SYT13: variants seen among roughly 807,000 people sequenced by gnomAD.
SYT13 encodes synaptotagmin 13.
SYT13 carries 21 observed loss-of-function variants against 38.6 expected under a neutral mutation model. That is an observed-to-expected ratio of 0.54 (90% confidence interval 0.39 to 0.78). The LOEUF (loss-of-function observed/expected upper bound fraction) is 0.78, where lower values mean the gene tolerates loss of function less well. SYT13 is among the 30% of genes least tolerant of loss of function. The pLI is 0.00. For synonymous variants in SYT13, 241 were observed against 237.6 expected (o/e 1.01, Z -0.13); for missense variants, 495 against 548.7 (o/e 0.90, Z 0.98).
chr11:45,264,108 G>C (rs1316208995), intron 1 of SYT13, among the ~76,000 whole-genome samples: 25 of 152,150 alleles, frequency 1.6e-4, no homozygotes, highest in African/African-American at 5.8e-4. Flanking sequence ...GATAAATATA[G>C]ACATTGAGTG....
At chr11:45,267,175 G>A (rs1208686980) in intron 1 of SYT13, among the ~76,000 whole-genome samples, 2 of 152,212 alleles carry the variant, frequency 1.3e-5, no homozygotes, top group Non-Finnish European at 2.9e-5. Flanking sequence ...CTAGGGGGCG[G>A]TAGAGGGTGC....
chr11:45,276,285 A>T (rs1855009176), intron 1 of SYT13, among the ~76,000 whole-genome samples: 1 of 152,206 alleles, frequency 6.6e-6, no homozygotes, highest in South Asian at 2.1e-4. Flanking sequence ...CTTTGCAGGG[A>T]TATGGATGAA....
chr11:45,282,309 T>G (rs1855084101), intron 1 of SYT13, among the ~76,000 whole-genome samples: 2 of 152,006 alleles, frequency 1.3e-5, no homozygotes, highest in South Asian at 4.2e-4. Context: ...ACATTAAGAG[T>G]GAGGCACTGT....
intron 1 of SYT13, 161 bp downstream of exon 1, chr11:45,285,864 T>A (rs1233028798): frequency 8.7e-5 from 31 of 355,322 alleles, no homozygotes; most frequent in Non-Finnish European, 1.3e-4. Context: ...TCCCCCTACC[T>A]TTTTGACTCC....
At chr11:45,284,130 C>A (rs765903781) in intron 1 of SYT13, among the ~76,000 whole-genome samples, 9 of 152,138 alleles carry the variant, frequency 5.9e-5, no homozygotes, top group African/African-American at 2.2e-4. Context: ...AAAGAATGAT[C>A]GTAAATCCAG....
Position 45,286,056 on chromosome 11 carries a change from G to C in SYT13, c.152C>G (p.Ala51Gly). The C allele has an allele frequency of 1.2e-6, 2 of 1,609,312 alleles. 1 individual carries two copies. Among genetic ancestry groups the C allele is most frequent in the South Asian group, 2.2e-5 (2 of 90,482 alleles). ...TGCAGACCCGAGCAAGCTGGGCTTCGCCTTCTCCAGGTCGGGGTCCTGGTC... is the reference window on the plus strand; with the variant it reads ...TGCAGACCCGAGCAAGCTGGGCTTCCCCTTCTCCAGGTCGGGGTCCTGGTC... ...PRDQDPDLEK[A>G]KPSLLGSAQQ... The change falls in exon 1 of 6, where the codon GCG becomes GGG. Residue 51 changes from alanine (A) to glycine (G), a missense_variant. By Grantham distance (60) the Ala-to-Gly change is moderately conservative. Coordinates refer to ENST00000020926, the MANE Select transcript of SYT13 (RefSeq NM_020826.3).
At chr11:45,278,964 A>G (rs1170904186) in intron 1 of SYT13, among the ~76,000 whole-genome samples, 2 of 152,246 alleles carry the variant, frequency 1.3e-5, no homozygotes, top group African/African-American at 4.8e-5. Flanking sequence ...GCTGCACCCA[A>G]TGCCTGAAGT....
intron 2 of SYT13, 87 bp downstream of exon 2, chr11:45,255,579 A>G: frequency 7.4e-7 from 1 of 1,344,754 alleles, no homozygotes; most frequent in South Asian, 1.4e-5. Context: ...CGGCCTCCTC[A>G]TCAGGCCACA....
rs749032824 is a variant in SYT13, at chr11:45,244,100, G to A, written c.1233C>T (p.Leu411=). ...GSERSHWEEM[L]KNPRRQIAMW... is the part of the protein sequence containing the mutation. The stretch of plus-strand genomic sequence containing the variant: ...TGGCAATCTGCCGGCGAGGGTTTTT[G>A]AGCATCTCCTCCCAGTGGCTGCGCT... The change falls in exon 6 of 6, where the codon CTC becomes CTT. Residue 411 remains leucine (L), a synonymous_variant. Coordinates refer to ENST00000020926, the MANE Select transcript of SYT13 (RefSeq NM_020826.3). 5 of 1,611,090 alleles carry A rather than the reference G, an allele frequency of 3.1e-6. No individual in the cohort carries two copies. Among genetic ancestry groups the A allele is most frequent in the East Asian group, 4.5e-5 (2 of 44,858 alleles).
intron 1 of SYT13, among the ~76,000 whole-genome samples, chr11:45,262,309 G>T (rs763946201): frequency 9.9e-5 from 15 of 152,226 alleles, no homozygotes; most frequent in Non-Finnish European, 1.8e-4. Flanking sequence ...GATGCCAGAG[G>T]CTGGGGCAGG....
rs772924656 is a variant in SYT13, at chr11:45,255,941, GT to G, written c.184-51del. The G allele has an allele frequency of 3.2e-6, 5 of 1,586,762 alleles. No individual in the cohort carries two copies. In the African/African-American group the frequency reaches 5.4e-5, roughly 17 times the overall value. ...AGTCCACAAAGGAGCCCTCTTGTCT[GT>G]TTCCCCCCATGGAAGGGAGAAACGG... On this transcript the variant is annotated intron_variant, in intron 1 of 5. Transcript: ENST00000020926.
In SYT13 at chr11:45,240,927, A is replaced by G. The variant is rs768900261; in HGVS notation, c.*3125T>C. The G allele has an allele frequency of 6.6e-6, 1 of 152,250 alleles. No homozygotes were observed. Among genetic ancestry groups the G allele is most frequent in the African/African-American group, 2.4e-5 (1 of 41,462 alleles). The allele number at this position is 152,250 out of a possible 1,614,324, so 9.4% of individuals were successfully genotyped here. ...ACACAGGCTCAGTTACTATAATTTG[A>G]TAGTAAATTGGAAATGTTTCTGGTA... On this transcript the variant is annotated 3_prime_UTR_variant, in exon 6 of 6. Transcript: ENST00000020926.
chr11:45,254,223 G>A, intron 3 of SYT13, 47 bp downstream of exon 3: 1 of 1,566,724 alleles, frequency 6.4e-7, no homozygotes, highest in Non-Finnish European at 8.6e-7. Context: ...GCTTCTCCAG[G>A]GGAGATAGAC....
In SYT13 at chr11:45,252,685, G is replaced by A. The variant is rs750981261; in HGVS notation, c.582C>T (p.Tyr194=). 39 of 1,591,852 alleles carry A rather than the reference G, an allele frequency of 2.4e-5. No individual in the cohort carries two copies. Among genetic ancestry groups the A allele is most frequent in the East Asian group, 4.5e-5 (2 of 44,280 alleles). ...TCCTATTGGCCACACTCCCTTGGAC[G>A]TAGCAGTCACAGCCTCCGTCGTGGT... is the stretch of plus-strand genomic sequence containing the variant. ...TSNHDGGCDC[Y]VQGSVANRTG... The change falls in exon 4 of 6, where the codon TAC becomes TAT. Residue 194 remains tyrosine, a synonymous_variant. Transcript: ENST00000020926. This position sits in a 1 kb window ranked among gnomAD's most constrained non-coding sequence, Gnocchi z 4.3.
At chr11:45,267,325 G>A (rs554221077) in intron 1 of SYT13, among the ~76,000 whole-genome samples, 8 of 152,324 alleles carry the variant, frequency 5.3e-5, no homozygotes, top group South Asian at 2.1e-4. Context: ...TAAGGCGGAT[G>A]CCCAGGACGC....
chr11:45,246,451 C>T lies in SYT13; in HGVS notation c.908G>A (p.Arg303His), dbSNP rs753970325. The change falls in exon 5 of 6, where the codon CGC becomes CAC. Residue 303 changes from arginine (R) to histidine (H), a missense_variant. Transcript: ENST00000020926. ...LSISYLPAAN[R>H]LLVVLIKAKN... ...GGCTTTAATCAGCACCACCAGGAGG[C>T]GGTTGGCAGCCGGGAGGTAGCTGAT... is the stretch of plus-strand genomic sequence containing the variant. 11 of 1,613,990 alleles carry T rather than the reference C, an allele frequency of 6.8e-6. No individual in the cohort carries two copies. The highest frequency in any genetic ancestry group is 3.3e-5 in the Admixed American group (2 of 60,004).
chr11:45,286,313 C>A lies in SYT13; in HGVS notation c.-106G>T. 1 of 1,332,740 alleles carries A rather than the reference C, an allele frequency of 7.5e-7. No homozygotes were observed. The highest frequency in any genetic ancestry group is 2.7e-4 in the Middle Eastern group (1 of 3,672). 82.6% of individuals were successfully genotyped at this position (1,332,740 alleles called of 1,614,324 possible). ...GATCCGGGCGAGCCAGCAGCTCTCC[C>A]GCCGCCAGAGGGGCGGGGACGGAGG... On this transcript the variant is annotated 5_prime_UTR_variant, in exon 1 of 6. Coordinates refer to ENST00000020926, the MANE Select transcript of SYT13 (RefSeq NM_020826.3).
At position 45,285,766 on chromosome 11, in the gene SYT13, G is replaced by A. The variant is rs539244338; in HGVS notation, c.183+259C>T. 3 of 691,688 alleles carry A rather than the reference G, an allele frequency of 4.3e-6. No individual in the cohort carries two copies. The South Asian group carries it at 4.6e-5, about 11-fold the overall frequency. 42.8% of individuals were successfully genotyped at this position (691,688 alleles called of 1,614,324 possible). A position where few individuals can be genotyped will look rare whatever the true frequency, so the allele number is the denominator to read the frequency against. On this transcript the variant is annotated intron_variant, in intron 1 of 5. Transcript: ENST00000020926. ...TCCCCTCCCTTTAGGTCTCGCTGCT[G>A]GCCCCCATTCTTCTCTCAGTCCCCA...
At chr11:45,259,429 G>A (rs1276519051) in intron 1 of SYT13, among the ~76,000 whole-genome samples, 2 of 152,196 alleles carry the variant, frequency 1.3e-5, no homozygotes, top group African/African-American at 4.8e-5. Context: ...TCTGAATGAA[G>A]TTCACTCTGT....
Sources: gnomAD v4.1 joint callset for allele counts (sites outside exome capture counted in the v4.1 genomes callset) on GRCh38, gnomAD v4.1.1 for gene constraint, Gnocchi (gnomAD v3.1) non-coding constraint, MANE v1.5 for transcripts, NCBI Gene and HGNC (gene_info 2026-07-23, HGNC 2026-07-21) for gene names.